The following CLVS1 variants were observed in gnomAD, a reference collection of about 807,000 sequenced individuals.
The protein encoded by CLVS1 is clavesin 1.
In CLVS1, 10 loss-of-function variants were observed where a neutral mutation model predicts 33.1. The ratio of observed to expected loss-of-function variants is 0.30; its 90% CI spans 0.19 to 0.51. The LOEUF (loss-of-function observed/expected upper bound fraction) is 0.51, where lower values mean the gene tolerates loss of function less well. Among genes scored for constraint, CLVS1 ranks in the 20% least tolerant of loss-of-function variants. The probability of loss-of-function intolerance (pLI) is 0.97; values close to 1 mark genes in which losing one functional copy is unlikely to be tolerated. For missense variants in CLVS1, 343 were observed against 433.4 expected, an observed-to-expected ratio of 0.79 and a Z score of 1.85; for synonymous variants, 163 against 166.1, an observed-to-expected ratio of 0.98 and a Z score of 0.14.
chr8:61,329,920 G>T (rs1263342547), intron 2 of CLVS1, among the ~76,000 whole-genome samples: 1 of 152,086 alleles, frequency 6.6e-6, no homozygotes. Flanking sequence ...AGGGCCCCTT[G>T]TCCTTGCCAT....
chr8:61,022,825 G>A, the CLVS1 span, among the ~76,000 whole-genome samples: 9 of 152,218 alleles, frequency 5.9e-5, no homozygotes, highest in Admixed American at 2.0e-4. Flanking sequence ...ATATGTATAC[G>A]CACGCCTCGA....
At chr8:61,290,573 G>A (rs372599552) in intron 1 of CLVS1, among the ~76,000 whole-genome samples, 1 of 152,228 alleles carries the variant, frequency 6.6e-6, no homozygotes, top group East Asian at 1.9e-4. Flanking sequence ...AATTGGTAGT[G>A]TCTGCTCACT....
At chr8:61,005,529 C>T in the CLVS1 span, among the ~76,000 whole-genome samples, 5 of 152,120 alleles carry the variant, frequency 3.3e-5, no homozygotes, top group African/African-American at 4.8e-5. Flanking sequence ...GGACGCCTGC[C>T]TCCAACTCCA....
intron 2 of CLVS1, among the ~76,000 whole-genome samples, chr8:61,232,252 G>A (rs527804057): frequency 5.3e-5 from 8 of 151,834 alleles, no homozygotes; most frequent in East Asian, 3.9e-4. Flanking sequence ...TAGCCAGGAC[G>A]GTCTCGATCT....
chr8:61,271,868 G>A (rs994660322), intron 2 of CLVS1, among the ~76,000 whole-genome samples: 3 of 150,530 alleles, frequency 2.0e-5, no homozygotes, highest in Non-Finnish European at 3.0e-5. Flanking sequence ...CATTTGCTTG[G>A]TAGATCTTCC....
chr8:61,109,595 A>G (rs976289351), intron 1 of CLVS1, among the ~76,000 whole-genome samples: 2 of 152,196 alleles, frequency 1.3e-5, no homozygotes, highest in African/African-American at 4.8e-5. Flanking sequence ...TGGCAACTGT[A>G]GCTGCTATGG....
chr8:61,259,714 T>G (rs1336286658), intron 2 of CLVS1, among the ~76,000 whole-genome samples: 1 of 152,232 alleles, frequency 6.6e-6, no homozygotes, highest in African/African-American at 2.4e-5. Context: ...GTTCAGAATT[T>G]GAAAACTGGT....
At chr8:61,460,315 T>C (rs1817328299) in intron 5 of CLVS1, among the ~76,000 whole-genome samples, 1 of 152,208 alleles carries the variant, frequency 6.6e-6, no homozygotes, top group African/African-American at 2.4e-5. Context: ...AAACACCTTA[T>C]TTTTCAGCCT....
At chr8:61,477,841 C>T (rs1490716141) in intron 5 of CLVS1, among the ~76,000 whole-genome samples, 1 of 152,128 alleles carries the variant, frequency 6.6e-6, no homozygotes, top group Admixed American at 6.5e-5. Flanking sequence ...CTTCTGCTAG[C>T]TTTTGAATGT....
At chr8:61,245,690 C>CAT (rs1047215079) in intron 2 of CLVS1, among the ~76,000 whole-genome samples, 24 of 151,144 alleles carry the variant, frequency 1.6e-4, no homozygotes, top group African/African-American at 5.6e-4. Flanking sequence ...TATATATATA[C>CAT]ATATATATAA....
chr8:61,413,345 A>G (rs57226011), intron 3 of CLVS1, among the ~76,000 whole-genome samples: 7,401 of 152,254 alleles, frequency 0.049, 605 homozygotes, highest in African/African-American at 0.17. Flanking sequence ...CTGAACCCCT[A>G]TTAACTTCAG....
chr8:61,168,202 G>T (rs1806920520), intron 2 of CLVS1, among the ~76,000 whole-genome samples: 1 of 152,222 alleles, frequency 6.6e-6, no homozygotes, highest in East Asian at 1.9e-4. Context: ...CAGAAAAGGT[G>T]CCACTAGCCC....
At chr8:61,192,549 C>A (rs969367359) in intron 2 of CLVS1, among the ~76,000 whole-genome samples, 4 of 152,148 alleles carry the variant, frequency 2.6e-5, no homozygotes, top group African/African-American at 9.7e-5. Flanking sequence ...AGCTTCTGCA[C>A]AGCAAAAGAA....
At chr8:61,146,300 C>A (rs149006994) in intron 2 of CLVS1, among the ~76,000 whole-genome samples, 1 of 152,308 alleles carries the variant, frequency 6.6e-6, no homozygotes, top group African/African-American at 2.4e-5. Context: ...AACCTATGAA[C>A]CTAATATTCC....
intron 2 of CLVS1, among the ~76,000 whole-genome samples, chr8:61,223,093 C>T (rs964349080): frequency 6.6e-6 from 1 of 152,036 alleles, no homozygotes; most frequent in Admixed American, 6.6e-5. Flanking sequence ...GATGGGCCTC[C>T]TGAATACAGC....
rs567668650 is a variant in CLVS1, at chr8:61,356,894, C to T, written c.456-19711C>T. 6.1e-3 allele frequency among the ~76,000 whole-genome samples: 924 copies of T among 152,190 alleles called. 10 individuals are homozygous for T. The highest frequency in any genetic ancestry group is 0.021 in the African/African-American group (868 of 41,522). On this transcript the variant is annotated intron_variant, in intron 2 of 5. Transcript: ENST00000325897. ...TTGGCTTGGGATTGACTTGGCAATG[C>T]GGGCTCTTTTTTGGTTCCATATGAA...
the CLVS1 span, among the ~76,000 whole-genome samples, chr8:61,008,162 C>T: frequency 1.3e-5 from 2 of 152,204 alleles, no homozygotes; most frequent in African/African-American, 4.8e-5. Context: ...TACTCAAACA[C>T]AGTCACTGTT....
chr8:60,985,295 C>G, the CLVS1 span, among the ~76,000 whole-genome samples: 2 of 152,226 alleles, frequency 1.3e-5, no homozygotes, highest in Admixed American at 1.3e-4. Context: ...ATGTCCACGG[C>G]ACACAGCTGT....
At chr8:61,143,377 G>A (rs530086929) in intron 2 of CLVS1, among the ~76,000 whole-genome samples, 17 of 152,188 alleles carry the variant, frequency 1.1e-4, no homozygotes, top group East Asian at 3.9e-4. Flanking sequence ...GAAAGCATGC[G>A]CACTTTGATT....
Sources: allele counts gnomAD v4.1 joint callset (sites outside exome capture counted in the v4.1 genomes callset), GRCh38; gene constraint gnomAD v4.1.1; transcripts MANE v1.5; gene names NCBI Gene and HGNC (gene_info 2026-07-23, HGNC 2026-07-21).